Variants in FANCC observed in about 807,000 individuals in gnomAD.
FANCC encodes the protein FA complementation group C, also known as Fanconi anemia group C protein.
FANCC carries 55 observed loss-of-function variants against 71.3 expected under a neutral mutation model. That is an observed-to-expected ratio of 0.77 (90% CI 0.62 to 0.97). FANCC has a LOEUF of 0.97. Ranked by LOEUF, FANCC falls within the 50% of genes least tolerant of loss-of-function variation. The pLI, the probability that FANCC is intolerant of heterozygous loss-of-function variation, is 0.00. For synonymous variants in FANCC, 275 were observed against 244.9 expected, an observed-to-expected ratio of 1.12 and a Z score of -1.15; for missense variants, 678 against 670.9, an observed-to-expected ratio of 1.01 and a Z score of -0.12.
intron 1 of FANCC, among the ~76,000 whole-genome samples, chr9:95,284,286 T>TTAA (rs1317301174): frequency 6.6e-6 from 1 of 152,144 alleles, no homozygotes; most frequent in African/African-American, 2.4e-5. Flanking sequence ...ATCCCACAAA[T>TTAA]ATTAGAGTCA....
chr9:95,311,107 G>A (rs1319587527), intron 1 of FANCC, among the ~76,000 whole-genome samples: 1 of 151,976 alleles, frequency 6.6e-6, no homozygotes, highest in African/African-American at 2.4e-5. Context: ...AGCTGGGCGT[G>A]GTGGTGGGCT....
At position 95,100,754 on chromosome 9, in the gene FANCC, T is replaced by G. The variant is rs1296970585; in HGVS notation, c.*953A>C. On this transcript the variant is annotated 3_prime_UTR_variant, in exon 15 of 15. Coordinates refer to ENST00000289081, the MANE Select transcript of FANCC (RefSeq NM_000136.3). The stretch of plus-strand genomic sequence containing the variant: ...CAAGAGATCCTCATGCCTCAGCCTC[T>G]TGAATAGCTGGGATTACAGATGCAT... 3.1e-5 allele frequency: 7 copies of G among 225,916 alleles called. No homozygotes were observed. Among genetic ancestry groups the G allele is most frequent in the African/African-American group, 1.1e-4 (5 of 44,956 alleles). The allele number at this position is 225,916 out of a possible 1,614,324, so 14.0% of individuals were successfully genotyped here.
chr9:95,124,594 A>C (rs1825685661), intron 10 of FANCC, among the ~76,000 whole-genome samples: 1 of 152,076 alleles, frequency 6.6e-6, no homozygotes, highest in Admixed American at 6.5e-5. Context: ...AGTCACTCTT[A>C]CCACCTCCTT....
chr9:95,311,709 CTGTGTGTGTG>C (rs56187288), intron 1 of FANCC, among the ~76,000 whole-genome samples: 17 of 144,592 alleles, frequency 1.2e-4, no homozygotes, highest in Admixed American at 6.3e-4. Flanking sequence ...TCCTCTGAAT[CTGTGTGTGTG>C]TGTGTGTGTG....
At chr9:95,175,573 T>A (rs1825962425) in intron 4 of FANCC, among the ~76,000 whole-genome samples, 1 of 152,118 alleles carries the variant, frequency 6.6e-6, no homozygotes, top group South Asian at 2.1e-4. Context: ...CAACACCAAG[T>A]GCAATCTGGG....
intron 4 of FANCC, among the ~76,000 whole-genome samples, chr9:95,180,709 C>T (rs1826298640): frequency 6.6e-6 from 1 of 151,640 alleles, no homozygotes; most frequent in Non-Finnish European, 1.5e-5. Flanking sequence ...AGTACATAAA[C>T]CAATAACACA....
At chr9:95,186,768 A>G (rs1351616820) in intron 4 of FANCC, among the ~76,000 whole-genome samples, 2 of 151,412 alleles carry the variant, frequency 1.3e-5, no homozygotes, top group African/African-American at 4.9e-5. Context: ...TTAGGGGGAG[A>G]CTGCTGCGCT....
At chr9:95,219,009 G>C (rs1470413053) in intron 4 of FANCC, among the ~76,000 whole-genome samples, 1 of 152,214 alleles carries the variant, frequency 6.6e-6, no homozygotes, top group Non-Finnish European at 1.5e-5. Context: ...GAGAGACAAA[G>C]AGACCCAATT....
chr9:95,142,069 T>A (rs1828831456), intron 7 of FANCC, among the ~76,000 whole-genome samples: 1 of 130,414 alleles, frequency 7.7e-6, no homozygotes, highest in African/African-American at 2.8e-5. Context: ...CTCGGCTCAC[T>A]ACAACCTCTG....
At chr9:95,139,411 G>A (rs573768224) in intron 7 of FANCC, among the ~76,000 whole-genome samples, 5 of 152,222 alleles carry the variant, frequency 3.3e-5, no homozygotes, top group South Asian at 2.1e-4. Flanking sequence ...GTTAATCATC[G>A]TACTGCTGTC....
chr9:95,165,504 C>G (rs530990949), intron 6 of FANCC, among the ~76,000 whole-genome samples: 1 of 152,028 alleles, frequency 6.6e-6, no homozygotes, highest in Non-Finnish European at 1.5e-5. Context: ...TTTCATTTGT[C>G]TCAAGTTATT....
chr9:95,154,349 A>C (rs1324346958), intron 6 of FANCC, among the ~76,000 whole-genome samples: 2 of 151,890 alleles, frequency 1.3e-5, no homozygotes, highest in African/African-American at 2.4e-5. Flanking sequence ...ATAAATAAGC[A>C]CAAACACTTT....
intron 1 of FANCC, among the ~76,000 whole-genome samples, chr9:95,295,373 AAAAC>A (rs1476158441): frequency 1.3e-5 from 2 of 152,076 alleles, no homozygotes; most frequent in Non-Finnish European, 2.9e-5. Flanking sequence ...AAAACAAAAC[AAAAC>A]AAAGCAAAAC....
intron 6 of FANCC, among the ~76,000 whole-genome samples, chr9:95,156,700 T>A (rs954881411): frequency 6.6e-6 from 1 of 152,170 alleles, no homozygotes; most frequent in Non-Finnish European, 1.5e-5. Context: ...AGTTCTCCAG[T>A]GAATTATAAA....
intron 4 of FANCC, among the ~76,000 whole-genome samples, chr9:95,206,174 G>A (rs189550596): frequency 7.2e-4 from 109 of 152,240 alleles, no homozygotes; most frequent in African/African-American, 2.3e-3. Flanking sequence ...AGGAGGAGGC[G>A]GGAGAAGGAG....
intron 4 of FANCC, among the ~76,000 whole-genome samples, chr9:95,233,927 G>C (rs1830149359): frequency 6.6e-6 from 1 of 152,224 alleles, no homozygotes; most frequent in Non-Finnish European, 1.5e-5. Context: ...GAAGGGTGGG[G>C]ATTCCACCTC....
At chr9:95,126,394 CAG>C (rs1364963956) in intron 9 of FANCC, 133 bp downstream of exon 9, 4 of 868,916 alleles carry the variant, frequency 4.6e-6, no homozygotes, top group Non-Finnish European at 7.5e-6. Flanking sequence ...CCAAAAAGCT[CAG>C]AGGAACAGGA....
At chr9:95,126,641 C>T in intron 8 of FANCC, 60 bp from the exon 9 acceptor site, 1 of 1,553,136 alleles carries the variant, frequency 6.4e-7, no homozygotes, top group Non-Finnish European at 8.9e-7. Flanking sequence ...CAGAAACTTG[C>T]TATTATCAGC....
chr9:95,243,749 G>T (rs906245811), intron 3 of FANCC, among the ~76,000 whole-genome samples: 1 of 152,214 alleles, frequency 6.6e-6, no homozygotes, highest in Non-Finnish European at 1.5e-5. Flanking sequence ...AGCCGAGATC[G>T]CACCACTGCA....
Sources: allele counts gnomAD v4.1 joint callset (sites outside exome capture counted in the v4.1 genomes callset), GRCh38; gene constraint gnomAD v4.1.1; transcripts MANE v1.5; gene names NCBI Gene and HGNC (gene_info 2026-07-23, HGNC 2026-07-21).